SPRY3: variants seen among roughly 807,000 people sequenced by gnomAD.
The protein encoded by SPRY3 is protein sprouty homolog 3.
SPRY3 carries 15 observed loss-of-function variants against 20.2 expected under a neutral mutation model. The ratio of observed to expected loss-of-function variants is 0.74; its 90% CI spans 0.50 to 1.14. The LOEUF is 1.14. Ranked by LOEUF, SPRY3 falls within the 50% of genes most tolerant of loss-of-function variation. The pLI is 0.00. For missense variants in SPRY3, 364 were observed against 363.9 expected, an observed-to-expected ratio of 1.00 and a Z score of 0.00; for synonymous variants, 143 against 136.5, an observed-to-expected ratio of 1.05 and a Z score of -0.33.
intron 2 of SPRY3, among the ~76,000 whole-genome samples, chrX:155,750,048 G>T (rs1488933392): frequency 1.3e-5 from 2 of 151,574 alleles, no homozygotes; most frequent in Admixed American, 1.3e-4. Context: ...TTGCAGTTGG[G>T]AATTAAAATA....
Position 155,670,398 on chromosome X carries a change from T to A in SPRY3, c.-282+13373T>A, listed in dbSNP as rs368783834. 8.9e-5 allele frequency among the ~76,000 whole-genome samples: 10 copies of A among 111,952 alleles called. No individual in the cohort carries two copies. The East Asian group carries it at 2.5e-3, about 28-fold the overall frequency. On this transcript the variant is annotated intron_variant, in intron 2 of 3. Coordinates refer to ENST00000675360, the Ensembl canonical transcript of SPRY3. ...CCCTCTGGGGAAGCTTCTTGCAGTG[T>A]CTTGCAGCGACAAGTCAATTGAGTT... is the stretch of plus-strand genomic sequence containing the variant.
At chrX:155,650,287 A>C (rs1196663999) in intron 1 of SPRY3, among the ~76,000 whole-genome samples, 1 of 112,026 alleles carries the variant, frequency 8.9e-6, no homozygotes, top group Non-Finnish European at 1.9e-5. Flanking sequence ...ATCAAAATAG[A>C]GCCCGTATAG....
chrX:155,732,342 G>C (rs1466217818), intron 2 of SPRY3, among the ~76,000 whole-genome samples: 3 of 151,988 alleles, frequency 2.0e-5, no homozygotes, highest in Non-Finnish European at 4.4e-5. Flanking sequence ...GAAAAAATGT[G>C]CAAAAGACCT....
chrX:155,750,744 A>G (rs1409294725), intron 2 of SPRY3, among the ~76,000 whole-genome samples: 1 of 151,846 alleles, frequency 6.6e-6, no homozygotes, highest in Non-Finnish European at 1.5e-5. Context: ...CAGATGGTAT[A>G]AAATAGACGG....
intron 2 of SPRY3, among the ~76,000 whole-genome samples, chrX:155,707,338 G>A (rs767110951): frequency 6.6e-6 from 1 of 151,288 alleles, no homozygotes; most frequent in Non-Finnish European, 1.5e-5. Context: ...TTTGTTGTCA[G>A]AGAACATAGA....
chrX:155,727,013 C>T (rs1395377960), intron 2 of SPRY3, among the ~76,000 whole-genome samples: 1 of 152,108 alleles, frequency 6.6e-6, no homozygotes, highest in Non-Finnish European at 1.5e-5. Flanking sequence ...TGACAAATCT[C>T]TCGGCATTTG....
chrX:155,722,973 C>T (rs1167894784), intron 2 of SPRY3, among the ~76,000 whole-genome samples: 9 of 150,944 alleles, frequency 6.0e-5, no homozygotes, highest in South Asian at 2.1e-4. Flanking sequence ...TGATGCTCCC[C>T]GCCCTGTGTC....
intron 3 of SPRY3, among the ~76,000 whole-genome samples, chrX:155,773,353 C>T (rs1468476056): frequency 7.2e-6 from 1 of 139,610 alleles, no homozygotes; most frequent in Admixed American, 7.3e-5. Context: ...AGCAACTTCT[C>T]ATGGGAGACT....
chrX:155,767,635 G>T (rs746516936), intron 2 of SPRY3, among the ~76,000 whole-genome samples: 3 of 149,600 alleles, frequency 2.0e-5, no homozygotes, highest in Non-Finnish European at 4.5e-5. Context: ...AATACTGGAG[G>T]GGGAGGGGGA....
At chrX:155,647,726 T>C (rs1321295290) in intron 1 of SPRY3, among the ~76,000 whole-genome samples, 1 of 112,203 alleles carries the variant, frequency 8.9e-6, no homozygotes, top group African/African-American at 3.2e-5. Flanking sequence ...TTTGGGTTGG[T>C]TCCAAGTCTT....
At chrX:155,628,090 C>T (rs1557350114) in intron 1 of SPRY3, among the ~76,000 whole-genome samples, 1 of 111,782 alleles carries the variant, frequency 8.9e-6, no homozygotes, top group Non-Finnish European at 1.9e-5. Flanking sequence ...TATGTGTTTG[C>T]TATTGTGAAT....
chrX:155,757,758 T>C (rs748524777), intron 2 of SPRY3, among the ~76,000 whole-genome samples: 1 of 152,262 alleles, frequency 6.6e-6, no homozygotes, highest in Admixed American at 6.5e-5. Context: ...GTTCCATATA[T>C]AATTCTGATG....
intron 2 of SPRY3, among the ~76,000 whole-genome samples, chrX:155,764,928 A>G (rs1236592724): frequency 2.6e-5 from 4 of 152,228 alleles, no homozygotes; most frequent in Non-Finnish European, 5.9e-5. Flanking sequence ...AAAGGCTGGG[A>G]AGTCCAAGAT....
chrX:155,658,980 C>T (rs1303046227), intron 2 of SPRY3, among the ~76,000 whole-genome samples: 1 of 111,274 alleles, frequency 9.0e-6, no homozygotes, highest in Non-Finnish European at 1.9e-5. Context: ...TGTGGTGAAT[C>T]ACATTTATTA....
At chrX:155,761,825 CAT>C (rs1284507021) in intron 2 of SPRY3, among the ~76,000 whole-genome samples, 3 of 149,206 alleles carry the variant, frequency 2.0e-5, no homozygotes, top group Middle Eastern at 3.3e-3. Context: ...AGCATTTTTT[CAT>C]ATGTTTGTTG....
chrX:155,734,285 C>A (rs761366469), intron 2 of SPRY3, among the ~76,000 whole-genome samples: 1 of 151,994 alleles, frequency 6.6e-6, no homozygotes, highest in Non-Finnish European at 1.5e-5. Flanking sequence ...GGCCTAATTT[C>A]CATACTGTTG....
chrX:155,631,247 G>A (rs2124528609), intron 1 of SPRY3, among the ~76,000 whole-genome samples: 1 of 112,164 alleles, frequency 8.9e-6, no homozygotes, highest in South Asian at 3.7e-4. Flanking sequence ...GCCTCCAACT[G>A]TATCCATATT....
At chrX:155,719,150 G>A (rs1297195174) in intron 2 of SPRY3, among the ~76,000 whole-genome samples, 7 of 152,116 alleles carry the variant, frequency 4.6e-5, no homozygotes, top group Non-Finnish European at 8.8e-5. Flanking sequence ...GAGCATTTTT[G>A]TGCACTGGGG....
In SPRY3 at chrX:155,769,137, CAT is replaced by C. The variant is rs2091365742; in HGVS notation, c.-107+1005_-107+1006del. On this transcript the variant is annotated intron_variant, in intron 3 of 3. Transcript: ENST00000675360. The stretch of plus-strand genomic sequence containing the variant: ...CTTGCTCTCCTTGCCTCTAAACAAA[CAT>C]ATACAAAGACATTACTATAACATTC... 3.3e-5 allele frequency among the ~76,000 whole-genome samples: 5 copies of C among 152,294 alleles called. No homozygotes were observed. The South Asian group carries it at 1.0e-3, about 32-fold the overall frequency.
Sources: gnomAD v4.1 joint callset for allele counts (sites outside exome capture counted in the v4.1 genomes callset) on GRCh38, gnomAD v4.1.1 for gene constraint, MANE v1.5 for transcripts, NCBI Gene and HGNC (gene_info 2026-07-23, HGNC 2026-07-21) for gene names.